Variants in C12orf42 observed in about 807,000 individuals in gnomAD.
The protein encoded by C12orf42 is uncharacterized protein C12orf42.
C12orf42 carries 25 observed loss-of-function variants against 21.6 expected under a neutral mutation model. That is an observed-to-expected ratio of 1.16 (90% confidence interval 0.84 to 1.62). The LOEUF (loss-of-function observed/expected upper bound fraction) is 1.62, where lower values mean the gene tolerates loss of function less well. Among genes scored for constraint, C12orf42 ranks in the 40% most tolerant of loss-of-function variants. The probability of loss-of-function intolerance (pLI) is 0.00; values close to 1 mark genes in which losing one functional copy is unlikely to be tolerated. For missense variants in C12orf42, 483 were observed against 459.3 expected (o/e 1.05, Z -0.47); for synonymous variants, 174 against 175.0 (o/e 0.99, Z 0.05).
At chr12:103,554,540 G>A in the C12orf42 span, among the ~76,000 whole-genome samples, 1 of 151,522 alleles carries the variant, frequency 6.6e-6, no homozygotes, top group Non-Finnish European at 1.5e-5. Flanking sequence ...TTTTCACACT[G>A]CTATAAAGAA....
chr12:103,427,119 AAATGTAAATGGGCTAAATGCCCC>A (rs1395865834), intron 2 of C12orf42, among the ~76,000 whole-genome samples: 2 of 152,098 alleles, frequency 1.3e-5, no homozygotes, highest in African/African-American at 2.4e-5. Context: ...TATTAACCTT[AAATGTAAATGGGCTAAATGCCCC>A]AATTAAAAGA....
At chr12:103,063,953 A>G in the C12orf42 span, among the ~76,000 whole-genome samples, 1 of 152,242 alleles carries the variant, frequency 6.6e-6, no homozygotes, top group East Asian at 1.9e-4. Context: ...TCAGGGAGTT[A>G]AAAAGGTTCT....
chr12:103,185,277 G>C, the C12orf42 span, among the ~76,000 whole-genome samples: 1 of 152,130 alleles, frequency 6.6e-6, no homozygotes, highest in African/African-American at 2.4e-5. Flanking sequence ...ACCTGTGCTT[G>C]GGCTAAGCTA....
At chr12:103,171,961 G>C in the C12orf42 span, among the ~76,000 whole-genome samples, 4 of 152,080 alleles carry the variant, frequency 2.6e-5, no homozygotes, top group Non-Finnish European at 4.4e-5. Flanking sequence ...TCCCTATGTT[G>C]AGCACTGTAG....
the C12orf42 span, among the ~76,000 whole-genome samples, chr12:103,527,770 C>A: frequency 0.013 from 2,045 of 152,256 alleles, 49 homozygotes; most frequent in African/African-American, 0.046. Context: ...CAAGAGAGAC[C>A]ACATGCCTTC....
chr12:103,234,619 TC>T (rs1177144462), downstream of C12orf42, among the ~76,000 whole-genome samples: 5 of 152,264 alleles, frequency 3.3e-5, no homozygotes, highest in Non-Finnish European at 7.4e-5. Flanking sequence ...TGGACTTTTT[TC>T]CAAAAATCAC....
intron 4 of C12orf42, among the ~76,000 whole-genome samples, chr12:103,315,884 T>C (rs931938582): frequency 1.3e-5 from 2 of 151,924 alleles, no homozygotes; most frequent in African/African-American, 4.8e-5. Context: ...CAAAAAATGA[T>C]AAGTATGTAA....
chr12:103,393,371 G>T (rs1326596556), intron 3 of C12orf42, among the ~76,000 whole-genome samples: 1 of 152,026 alleles, frequency 6.6e-6, no homozygotes, highest in Non-Finnish European at 1.5e-5. Flanking sequence ...ATCAGATCTC[G>T]CAAGAACGCA....
the C12orf42 span, among the ~76,000 whole-genome samples, chr12:103,521,839 A>C: frequency 2.0e-5 from 3 of 152,324 alleles, no homozygotes; most frequent in Non-Finnish European, 4.4e-5. Flanking sequence ...AACCAGTTGC[A>C]GTTTGGTGCT....
At chr12:103,091,000 C>T in the C12orf42 span, among the ~76,000 whole-genome samples, 1 of 150,574 alleles carries the variant, frequency 6.6e-6, no homozygotes, top group Non-Finnish European at 1.5e-5. Flanking sequence ...AAAAAGAATA[C>T]AAAAAAACCA....
intron 4 of C12orf42, among the ~76,000 whole-genome samples, chr12:103,326,237 A>C (rs186431317): frequency 1.4e-4 from 21 of 152,264 alleles, no homozygotes; most frequent in African/African-American, 4.8e-4. Context: ...CCATTATATT[A>C]TGGGGCTCTT....
At chr12:103,231,180 A>C in the C12orf42 span, among the ~76,000 whole-genome samples, 1 of 152,194 alleles carries the variant, frequency 6.6e-6, no homozygotes, top group Non-Finnish European at 1.5e-5. Flanking sequence ...TTTTATAGCA[A>C]AATTGAGCAG....
chr12:103,063,318 A>T, the C12orf42 span, among the ~76,000 whole-genome samples: 10 of 152,206 alleles, frequency 6.6e-5, no homozygotes, highest in Non-Finnish European at 1.5e-5. Flanking sequence ...ATAAGCTCTT[A>T]TCATGCAACT....
the C12orf42 span, among the ~76,000 whole-genome samples, chr12:103,535,899 T>C: frequency 1.3e-5 from 2 of 152,250 alleles, no homozygotes; most frequent in East Asian, 3.9e-4. Context: ...CACCTTAGGC[T>C]CCAGAGTAGC....
At chr12:103,230,969 ACTGT>A in the C12orf42 span, among the ~76,000 whole-genome samples, 1 of 152,064 alleles carries the variant, frequency 6.6e-6, no homozygotes, top group Non-Finnish European at 1.5e-5. Context: ...TTTTATACAT[ACTGT>A]CTTTTATTAT....
the C12orf42 span, among the ~76,000 whole-genome samples, chr12:103,091,822 CACA>C: frequency 4.6e-5 from 7 of 152,106 alleles, no homozygotes; most frequent in African/African-American, 1.7e-4. Flanking sequence ...ACATTGAATG[CACA>C]ATGTTGTTTT....
the C12orf42 span, among the ~76,000 whole-genome samples, chr12:103,142,394 A>G: frequency 6.6e-6 from 1 of 152,218 alleles, no homozygotes; most frequent in African/African-American, 2.4e-5. Flanking sequence ...AACAAAGAAC[A>G]GTTTACAAAC....
At chr12:103,336,686 A>G (rs755206583) in intron 4 of C12orf42, among the ~76,000 whole-genome samples, 14 of 152,234 alleles carry the variant, frequency 9.2e-5, no homozygotes, top group Non-Finnish European at 2.1e-4. Flanking sequence ...AACACTGACC[A>G]AGAACATAAA....
At chr12:103,492,755 T>C (rs1955263424) in intron 1 of C12orf42, among the ~76,000 whole-genome samples, 1 of 152,174 alleles carries the variant, frequency 6.6e-6, no homozygotes, top group Non-Finnish European at 1.5e-5. Flanking sequence ...GTCAAGTGTC[T>C]GTCTCCAGGC....
Sources: allele counts gnomAD v4.1 joint callset (sites outside exome capture counted in the v4.1 genomes callset), GRCh38; gene constraint gnomAD v4.1.1; transcripts MANE v1.5; gene names NCBI Gene and HGNC (gene_info 2026-07-23, HGNC 2026-07-21).